TMEM50A: variants seen among roughly 807,000 people sequenced by gnomAD.
TMEM50A encodes the protein transmembrane protein 50A.
A neutral mutation model predicts 23.9 loss-of-function variants in TMEM50A; 8 were observed. The ratio of observed to expected loss-of-function variants is 0.33; its 90% CI spans 0.20 to 0.60. The LOEUF (loss-of-function observed/expected upper bound fraction) is 0.60, where lower values mean the gene tolerates loss of function less well. Among genes scored for constraint, TMEM50A ranks in the 20% least tolerant of loss-of-function variants. The pLI is 0.81. For missense variants in TMEM50A, 178 were observed against 192.7 expected, an observed-to-expected ratio of 0.92 and a Z score of 0.45; for synonymous variants, 55 against 60.4, an observed-to-expected ratio of 0.91 and a Z score of 0.41.
chr1:25,342,081 T>G (rs76185600), intron 2 of TMEM50A, among the ~76,000 whole-genome samples: 1 of 152,320 alleles, frequency 6.6e-6, no homozygotes, highest in East Asian at 1.9e-4. Flanking sequence ...AAGGCATATG[T>G]ACTCATGCTA....
In TMEM50A at chr1:25,361,671, G is replaced by C. The variant is rs1307997074; in HGVS notation, c.*966G>C. On this transcript the variant is annotated 3_prime_UTR_variant, in exon 7 of 7. Coordinates refer to ENST00000374358, the MANE Select transcript of TMEM50A (RefSeq NM_014313.4). Reference sequence around the variant, plus strand: ...ATGGGATACACTCTTCAGGACCACAGTTTGAAATGTCTTTCATAAAATGTG... The same window carrying C: ...ATGGGATACACTCTTCAGGACCACACTTTGAAATGTCTTTCATAAAATGTG... 1.3e-5 allele frequency: 2 copies of C among 152,398 alleles called. No homozygotes were observed. Among genetic ancestry groups the C allele is most frequent in the African/African-American group, 4.8e-5 (2 of 41,458 alleles). 9.4% of individuals were successfully genotyped at this position (152,398 alleles called of 1,614,324 possible).
rs1468132863 is a variant in TMEM50A, at chr1:25,356,872, CT to C, written c.428+22del. 6.4e-7 allele frequency: 1 copy of C among 1,551,080 alleles called. No individual in the cohort carries two copies. Among genetic ancestry groups the C allele is most frequent in the African/African-American group, 1.4e-5 (1 of 71,480 alleles). ...TTTTTGGGTAAGTTTGTTTTGCATT[CT>C]TTATGTTTGTTTGTTTTTTTTTAAA... On this transcript the variant is annotated intron_variant, in intron 6 of 6. Transcript: ENST00000374358.
chr1:25,358,639 G>A (rs879529726), intron 6 of TMEM50A, among the ~76,000 whole-genome samples: 2 of 152,218 alleles, frequency 1.3e-5, no homozygotes, highest in Non-Finnish European at 2.9e-5. Flanking sequence ...AAGATGCACA[G>A]CCTCTTTGGG....
In TMEM50A at chr1:25,352,930, T is replaced by C. The variant is rs1284720852; in HGVS notation, c.323T>C (p.Leu108Pro). The change falls in exon 5 of 7, where the codon CTG becomes CCG. Residue 108 changes from leucine to proline, a missense_variant. By Grantham distance (98) the Leu-to-Pro change is moderately conservative. Transcript: ENST00000374358. ...FVGFMLAFGS[L>P]IASMWILFGG... The stretch of plus-strand genomic sequence containing the variant: ...GGTTTCATGTTGGCCTTTGGATCTC[T>C]GATTGCATCTATGTGGATTCTTTTT... 6.2e-7 allele frequency: 1 copy of C among 1,613,974 alleles called. No individual in the cohort carries two copies. Among genetic ancestry groups the C allele is most frequent in the Admixed American group, 1.7e-5 (1 of 59,984 alleles).
intron 1 of TMEM50A, 87 bp from the exon 2 acceptor site, chr1:25,340,387 A>G (rs1301734853): frequency 2.5e-6 from 2 of 795,678 alleles, no homozygotes; most frequent in Admixed American, 2.7e-5. Flanking sequence ...ACTTTTATCT[A>G]ATTATTCCTG....
intron 3 of TMEM50A, among the ~76,000 whole-genome samples, chr1:25,347,000 C>T (rs115770073): frequency 9.0e-4 from 137 of 152,238 alleles, no homozygotes; most frequent in African/African-American, 3.2e-3. Flanking sequence ...GCCCAGGAGA[C>T]AGAGTGAGAC....
chr1:25,348,733 A>G (rs1645246898), intron 3 of TMEM50A, among the ~76,000 whole-genome samples: 2 of 151,826 alleles, frequency 1.3e-5, no homozygotes, highest in African/African-American at 2.4e-5. Flanking sequence ...GAAGTTGCCT[A>G]TAATCTCACC....
intron 6 of TMEM50A, among the ~76,000 whole-genome samples, chr1:25,358,805 G>C (rs1029147097): frequency 6.6e-6 from 1 of 152,198 alleles, no homozygotes; most frequent in Non-Finnish European, 1.5e-5. Flanking sequence ...AAGCTATTTG[G>C]ACAGTAGAGG....
At chr1:25,342,141 A>G (rs1645175195) in intron 2 of TMEM50A, among the ~76,000 whole-genome samples, 1 of 152,210 alleles carries the variant, frequency 6.6e-6, no homozygotes, top group African/African-American at 2.4e-5. Context: ...TAACCTGATA[A>G]AAGTAATTTG....
Position 25,357,609 on chromosome 1 carries a change from AGTGTGTGTGTGT to A in TMEM50A, c.428+785_428+796del, listed in dbSNP as rs60773283. Among the ~76,000 whole-genome samples, 628 of 111,534 alleles carry A rather than the reference AGTGTGTGTGTGT, an allele frequency of 5.6e-3. 14 individuals are homozygous for A. Among genetic ancestry groups the A allele is most frequent in the Admixed American group, 0.041 (449 of 11,018 alleles). The allele number at this position is 111,534 out of a possible 152,430, so 73.2% of individuals were successfully genotyped here. A position where few individuals can be genotyped will look rare whatever the true frequency, so the allele number is the denominator to read the frequency against. ...GAGACAGAGTCTCAGTCTCTCACCC[AGTGTGTGTGTGT>A]GTGTGTGTGTGTGTGTGTGTGTGTG... On this transcript the variant is annotated intron_variant, in intron 6 of 6. Transcript: ENST00000374358.
intron 2 of TMEM50A, among the ~76,000 whole-genome samples, chr1:25,341,498 G>A (rs1051158913): frequency 3.3e-5 from 5 of 152,026 alleles, no homozygotes; most frequent in East Asian, 1.9e-4. Flanking sequence ...CGCCTGCCTC[G>A]GCCTTGCAAA....
chr1:25,347,162 C>G (rs1044687136), intron 3 of TMEM50A, among the ~76,000 whole-genome samples: 2 of 152,152 alleles, frequency 1.3e-5, no homozygotes, highest in East Asian at 1.9e-4. Context: ...CCAGAACATT[C>G]TCAATCAGCA....
chr1:25,358,986 C>G (rs989606688), intron 6 of TMEM50A, among the ~76,000 whole-genome samples: 2 of 152,210 alleles, frequency 1.3e-5, no homozygotes, highest in African/African-American at 2.4e-5. Flanking sequence ...AACTCCTGGG[C>G]TCAAGCGATC....
chr1:25,339,759 T>C (rs2124230224), intron 1 of TMEM50A, among the ~76,000 whole-genome samples: 1 of 152,312 alleles, frequency 6.6e-6, no homozygotes, highest in East Asian at 1.9e-4. Context: ...CTCCTGTGGA[T>C]TAGTAATCAT....
intron 6 of TMEM50A, among the ~76,000 whole-genome samples, chr1:25,357,603 TCACC>T (rs1271309799): frequency 2.2e-5 from 3 of 139,298 alleles, no homozygotes; most frequent in African/African-American, 5.5e-5. Context: ...TCTCAGTCTC[TCACC>T]CAGTGTGTGT....
chr1:25,348,675 C>A (rs1645245633), intron 3 of TMEM50A, among the ~76,000 whole-genome samples: 1 of 78,816 alleles, frequency 1.3e-5, no homozygotes, highest in East Asian at 3.8e-4. Context: ...TAGAGCAAGA[C>A]TCCATCTCAA....
At chr1:25,347,631 C>T (rs938585147) in intron 3 of TMEM50A, among the ~76,000 whole-genome samples, 5 of 152,164 alleles carry the variant, frequency 3.3e-5, no homozygotes, top group African/African-American at 1.2e-4. Flanking sequence ...AATTTTGCTA[C>T]AGTTACTTAA....
chr1:25,349,480 T>C (rs1571801874), intron 3 of TMEM50A, among the ~76,000 whole-genome samples: 1 of 152,238 alleles, frequency 6.6e-6, no homozygotes, highest in Non-Finnish European at 1.5e-5. Flanking sequence ...GTTTTTAATG[T>C]ATCTATTTTA....
chr1:25,359,808 C>T (rs1003659678), intron 6 of TMEM50A, among the ~76,000 whole-genome samples: 3 of 152,072 alleles, frequency 2.0e-5, no homozygotes, highest in African/African-American at 7.3e-5. Context: ...CCCATTCAAA[C>T]CCCTGTTTTT....
Sources: gnomAD v4.1 joint callset for allele counts (sites outside exome capture counted in the v4.1 genomes callset) on GRCh38, gnomAD v4.1.1 for gene constraint, MANE v1.5 for transcripts, NCBI Gene and HGNC (gene_info 2026-07-23, HGNC 2026-07-21) for gene names.